IVD: variants seen among roughly 807,000 people sequenced by gnomAD.
IVD encodes the protein isovaleryl-CoA dehydrogenase, mitochondrial.
Under a neutral mutation model 51.3 loss-of-function variants are expected in IVD, and 31 were observed. The ratio of observed to expected loss-of-function variants is 0.60; its 90% CI spans 0.45 to 0.81. The LOEUF (loss-of-function observed/expected upper bound fraction) is 0.81. IVD is among the 40% of genes least tolerant of loss of function. The pLI is 0.00. For synonymous variants in IVD, 205 were observed against 219.4 expected (o/e 0.93, Z 0.58); for missense variants, 475 against 552.0 (o/e 0.86, Z 1.40).
chr15:40,416,017 T>G lies in IVD; in HGVS notation c.961-61T>G, dbSNP rs73385121. 2.3e-4 allele frequency: 344 copies of G among 1,514,282 alleles called. No homozygotes were observed. In the African/African-American group the frequency reaches 4.5e-3, roughly 20 times the overall value. 93.8% of individuals were successfully genotyped at this position (1,514,282 alleles called of 1,614,324 possible). A position where few individuals can be genotyped will look rare whatever the true frequency, so the allele number is the denominator to read the frequency against. ...GGCTGTCTTGTTGCCATTGCTGACC[T>G]GCTTTTGGTAACTGAGAGAGTGTTC... On this transcript the variant is annotated intron_variant, in intron 9 of 11. Transcript: ENST00000487418.
downstream of IVD, chr15:40,435,586 G>C (rs778038531): frequency 1.5e-5 from 17 of 1,130,400 alleles, no homozygotes; most frequent in African/African-American, 2.8e-4. Flanking sequence ...CAGACCAGAA[G>C]CTTCCTTTCC....
At chr15:40,421,473 C>T (rs1892294625), downstream of IVD, among the ~76,000 whole-genome samples, 1 of 152,216 alleles carries the variant, frequency 6.6e-6, no homozygotes, top group African/African-American at 2.4e-5. Flanking sequence ...AGGCAGGTCA[C>T]ACTATCAGGG....
chr15:40,417,577 T>C (rs2141370558), intron 11 of IVD, among the ~76,000 whole-genome samples: 1 of 151,678 alleles, frequency 6.6e-6, no homozygotes, highest in East Asian at 1.9e-4. Flanking sequence ...CCATCCTGAA[T>C]AGCTTGAAGT....
intron 11 of IVD, among the ~76,000 whole-genome samples, chr15:40,416,612 G>A (rs890521005): frequency 6.6e-6 from 1 of 151,884 alleles, no homozygotes; most frequent in African/African-American, 2.4e-5. Flanking sequence ...CAGGAGAATC[G>A]CTTGAACCCG....
In IVD at chr15:40,419,200, T is replaced by C. The variant is rs1566944555; in HGVS notation, c.*937T>C. 7.8e-7 allele frequency: 1 copy of C among 1,289,132 alleles called. No homozygotes were observed. Among genetic ancestry groups the C allele is most frequent in the Non-Finnish European group, 1.0e-6 (1 of 988,672 alleles). 79.9% of individuals were successfully genotyped at this position (1,289,132 alleles called of 1,614,324 possible). The stretch of plus-strand genomic sequence containing the variant: ...TCCAGTTTCTAGAGGTATCAGCTCC[T>C]AGCAGCTTATGAACACATATGCTTG... On this transcript the variant is annotated 3_prime_UTR_variant, in exon 12 of 12. Coordinates refer to ENST00000487418, the MANE Select transcript of IVD (RefSeq NM_002225.5).
At chr15:40,424,457 A>C, downstream of IVD, 1 of 271,938 alleles carries the variant, frequency 3.7e-6, no homozygotes, top group South Asian at 3.2e-5. Context: ...CTTCAGGAAG[A>C]CCTCTCTTCT....
At chr15:40,428,393 G>A (rs776928315), downstream of IVD, among the ~76,000 whole-genome samples, 2 of 151,912 alleles carry the variant, frequency 1.3e-5, no homozygotes, top group Non-Finnish European at 2.9e-5. Context: ...CAGGTACCCC[G>A]GGCAAAGTAT....
chr15:40,429,906 A>G (rs1269585672), intron 7 of IVD, among the ~76,000 whole-genome samples: 1 of 152,176 alleles, frequency 6.6e-6, no homozygotes, highest in Admixed American at 6.5e-5. Flanking sequence ...TCCTTGTCAA[A>G]CCCATAACCA....
chr15:40,418,028 A>G, intron 11 of IVD, 102 bp from the exon 12 acceptor site: 18 of 1,442,590 alleles, frequency 1.2e-5, no homozygotes, highest in Non-Finnish European at 1.5e-5. Context: ...TTCTTTAATC[A>G]CCCTCTCCTC....
At position 40,419,346 on chromosome 15, in the gene IVD, A is replaced by C; in HGVS notation, c.*1083A>C. ...TCCAACGTGGTGAAACCCCATCTCT[A>C]CTAAAAATACAAAAATTAGCCAGGG... On this transcript the variant is annotated 3_prime_UTR_variant, in exon 12 of 12. Coordinates refer to ENST00000487418, the MANE Select transcript of IVD (RefSeq NM_002225.5). 1.5e-6 allele frequency: 1 copy of C among 653,722 alleles called. No individual in the cohort carries two copies. Among genetic ancestry groups the C allele is most frequent in the South Asian group, 1.6e-5 (1 of 61,542 alleles). 40.5% of individuals were successfully genotyped at this position (653,722 alleles called of 1,614,324 possible).
chr15:40,423,000 G>A (rs1241164932), downstream of IVD, among the ~76,000 whole-genome samples: 2 of 151,760 alleles, frequency 1.3e-5, no homozygotes, highest in African/African-American at 2.4e-5. Flanking sequence ...CTGCAGCCTC[G>A]ACCTCCCTGG....
At chr15:40,430,089 G>A (rs1353808354) in intron 7 of IVD, among the ~76,000 whole-genome samples, 1 of 152,250 alleles carries the variant, frequency 6.6e-6, no homozygotes, top group Non-Finnish European at 1.5e-5. Context: ...GGCTGCAAGA[G>A]GTAGTTTTCT....
intron 8 of IVD, 148 bp from the exon 9 acceptor site, chr15:40,415,253 C>A: frequency 1.2e-6 from 1 of 807,582 alleles, no homozygotes; most frequent in Non-Finnish European, 2.1e-6. Flanking sequence ...CCCTGCACCT[C>A]TGGCCAGTCA....
At chr15:40,407,443 C>A (rs1312653022) in intron 1 of IVD, among the ~76,000 whole-genome samples, 193 bp from the exon 2 acceptor site, 7 of 152,200 alleles carry the variant, frequency 4.6e-5, no homozygotes, top group African/African-American at 1.7e-4. Context: ...TTAAAAATTA[C>A]CATCAAGCTG....
intron 7 of IVD, chr15:40,414,665 T>G: frequency 1.7e-6 from 1 of 575,908 alleles, no homozygotes; most frequent in Non-Finnish European, 3.0e-6. Flanking sequence ...ACTCTAGCCT[T>G]TGTGGTTGGC....
Sources: allele counts gnomAD v4.1 joint callset (sites outside exome capture counted in the v4.1 genomes callset), GRCh38; gene constraint gnomAD v4.1.1; transcripts MANE v1.5; gene names NCBI Gene and HGNC (gene_info 2026-07-23, HGNC 2026-07-21).